PHF21A: variants seen among roughly 807,000 people sequenced by gnomAD.
The protein encoded by PHF21A is BHC80a.
Under a neutral mutation model 82.5 loss-of-function variants are expected in PHF21A, and 11 were observed. The observed-to-expected ratio is 0.13, with a 90% CI of 0.08 to 0.22. PHF21A has a LOEUF of 0.22. Among genes scored for constraint, PHF21A ranks in the 10% least tolerant of loss-of-function variants. The pLI, the probability that PHF21A is intolerant of heterozygous loss-of-function variation, is 1.00. For synonymous variants in PHF21A, 297 were observed against 302.8 expected, an observed-to-expected ratio of 0.98 and a Z score of 0.20; for missense variants, 579 against 837.8, an observed-to-expected ratio of 0.69 and a Z score of 3.81.
chr11:45,943,870 A>G (rs2090838341), intron 15 of PHF21A, among the ~76,000 whole-genome samples: 1 of 152,214 alleles, frequency 6.6e-6, no homozygotes, highest in Non-Finnish European at 1.5e-5. Context: ...GTCACTTATT[A>G]GTGCTCCTGC....
rs557428042 is a variant in PHF21A at position 46,046,132 on chromosome 11, A to AT, written c.153+30621dup. Among the ~76,000 whole-genome samples, 1,185 of 152,162 alleles carry AT rather than the reference A, an allele frequency of 7.8e-3. 11 individuals are homozygous for AT. The highest frequency in any genetic ancestry group is 0.013 in the Non-Finnish European group (899 of 67,996). ...CTCTGCCCTGACTCCATCTTTTGCT[A>AT]TTTTCAGGGTTTGTTTTCAAGAGTG... On this transcript the variant is annotated intron_variant, in intron 6 of 18. Coordinates refer to ENST00000676320, the MANE Select transcript of PHF21A (RefSeq NM_001352027.3).
chr11:45,935,266 G>C, intron 18 of PHF21A: 1 of 1,305,176 alleles, frequency 7.7e-7, no homozygotes, highest in African/African-American at 1.5e-5. Flanking sequence ...ATCACACGAG[G>C]GGACCTGGTC....
chr11:45,974,413 C>T (rs952706773), intron 7 of PHF21A, among the ~76,000 whole-genome samples: 3 of 103,358 alleles, frequency 2.9e-5, no homozygotes, highest in African/African-American at 3.8e-5. Context: ...AGGTGTCAAA[C>T]GACAAATTAT....
intron 2 of PHF21A, among the ~76,000 whole-genome samples, chr11:46,091,027 G>A (rs1283958628): frequency 1.3e-5 from 2 of 152,098 alleles, no homozygotes; most frequent in Non-Finnish European, 2.9e-5. Flanking sequence ...ATTTTAAAAG[G>A]TTTAATGAGA....
intron 6 of PHF21A, 35 bp from the exon 7 acceptor site, chr11:45,980,001 T>C (rs775904868): frequency 4.7e-5 from 76 of 1,613,118 alleles, no homozygotes; most frequent in Non-Finnish European, 6.1e-5. Context: ...TAAAAGATAT[T>C]AGAATACTGC....
At chr11:45,935,781 A>T (rs2135033591) in intron 17 of PHF21A, 42 bp from the exon 18 acceptor site, 1 of 943,420 alleles carries the variant, frequency 1.1e-6, no homozygotes, top group Admixed American at 2.2e-5. Flanking sequence ...GTTTTTGACA[A>T]TTAATTCTTT....
At chr11:46,118,361 G>T (rs1022399515) in intron 1 of PHF21A, among the ~76,000 whole-genome samples, 1 of 146,672 alleles carries the variant, frequency 6.8e-6, no homozygotes, top group Admixed American at 6.9e-5. Context: ...GGGCAGCCAA[G>T]CAATGTCAGT....
chr11:45,961,255 G>A (rs543301742), intron 10 of PHF21A, among the ~76,000 whole-genome samples: 24 of 152,272 alleles, frequency 1.6e-4, no homozygotes, highest in African/African-American at 5.8e-4. Context: ...AACCTAGAAT[G>A]AAGTTAATCA....
rs567540000 is a variant in PHF21A at position 46,035,423 on chromosome 11, T to TA, written c.153+41330_153+41331insT. On this transcript the variant is annotated intron_variant, in intron 6 of 18. Transcript: ENST00000676320. ...TAAACCTTCTAGTATGTTTTGACTC[T>TA]GTTGGTTACTTCATTCACTTAATGT... Among the ~76,000 whole-genome samples the TA allele has an allele frequency of 3.1e-3, 465 of 152,364 alleles. 3 individuals carry two copies. Among genetic ancestry groups the TA allele is most frequent in the African/African-American group, 0.011 (453 of 41,586 alleles).
intron 6 of PHF21A, among the ~76,000 whole-genome samples, chr11:46,044,131 G>C (rs922340417): frequency 3.9e-5 from 6 of 152,072 alleles, no homozygotes; most frequent in African/African-American, 1.4e-4. Context: ...TTCAACCTAA[G>C]CACTACTGTT....
chr11:45,971,629 T>G (rs2093750164), intron 7 of PHF21A, among the ~76,000 whole-genome samples: 1 of 152,150 alleles, frequency 6.6e-6, no homozygotes, highest in African/African-American at 2.4e-5. Context: ...TGCAGACTAA[T>G]TCAGGCACAG....
At chr11:46,056,445 T>C (rs1349568173) in intron 6 of PHF21A, among the ~76,000 whole-genome samples, 4 of 152,120 alleles carry the variant, frequency 2.6e-5, no homozygotes, top group South Asian at 2.1e-4. Flanking sequence ...TAAATCCTGA[T>C]AGTTCTCAAA....
chr11:46,011,421 G>A (rs2095411419), intron 6 of PHF21A, among the ~76,000 whole-genome samples: 1 of 152,120 alleles, frequency 6.6e-6, no homozygotes, highest in African/African-American at 2.4e-5. Flanking sequence ...CCCAGTAGGT[G>A]GAGGTTGCAG....
chr11:45,935,149 T>C (rs771769835), intron 18 of PHF21A: 3 of 1,289,578 alleles, frequency 2.3e-6, no homozygotes, highest in Admixed American at 2.3e-5. Context: ...GAAAGCCCGC[T>C]TCCTCACACT....
At chr11:45,946,512 T>G (rs898722635) in intron 14 of PHF21A, among the ~76,000 whole-genome samples, 2 of 152,168 alleles carry the variant, frequency 1.3e-5, no homozygotes, top group Admixed American at 1.3e-4. Context: ...GCCTCCCACG[T>G]AGCTGGGACA....
intron 3 of PHF21A, among the ~76,000 whole-genome samples, chr11:46,090,252 A>AT (rs1284353273): frequency 1.3e-5 from 2 of 152,174 alleles, no homozygotes; most frequent in Non-Finnish European, 2.9e-5. Flanking sequence ...TTTAATGACT[A>AT]TTTAAAAAAA....
intron 6 of PHF21A, among the ~76,000 whole-genome samples, chr11:46,034,074 T>C (rs556605270): frequency 6.6e-6 from 1 of 152,318 alleles, no homozygotes; most frequent in African/African-American, 2.4e-5. Context: ...TAAAATGATA[T>C]CTCACTGTGG....
chr11:45,937,113 G>C (rs1033691568), intron 16 of PHF21A, among the ~76,000 whole-genome samples: 7 of 152,304 alleles, frequency 4.6e-5, no homozygotes, highest in Middle Eastern at 3.4e-3. Flanking sequence ...GAAGTGTTCC[G>C]CTGCACCACA....
intron 6 of PHF21A, among the ~76,000 whole-genome samples, chr11:46,069,788 G>A (rs140539278): frequency 6.6e-6 from 1 of 152,268 alleles, no homozygotes; most frequent in East Asian, 1.9e-4. Flanking sequence ...ATGCACTTGT[G>A]ATTGAGTTAA....
Sources: allele counts gnomAD v4.1 joint callset (sites outside exome capture counted in the v4.1 genomes callset), GRCh38; gene constraint gnomAD v4.1.1; transcripts MANE v1.5; gene names NCBI Gene and HGNC (gene_info 2026-07-23, HGNC 2026-07-21).